The following CACNA1C variants were observed in gnomAD, a reference collection of about 807,000 sequenced individuals.
CACNA1C encodes calcium voltage-gated channel subunit alpha1 C.
In CACNA1C, 30 loss-of-function variants were observed where a neutral mutation model predicts 229.0. The ratio of observed to expected loss-of-function variants is 0.13; its 90% confidence interval spans 0.10 to 0.18. The LOEUF is 0.18. CACNA1C is among the 10% of genes least tolerant of loss of function. The probability of loss-of-function intolerance (pLI) is 1.00; values close to 1 mark genes in which losing one functional copy is unlikely to be tolerated. For missense variants in CACNA1C, 1,658 were observed against 2,845.0 expected (o/e 0.58, Z 9.49); for synonymous variants, 1,114 against 1,132.5 (o/e 0.98, Z 0.33).
intron 9 of CACNA1C, among the ~76,000 whole-genome samples, chr12:2,515,841 T>A (rs1002922902): frequency 6.6e-6 from 1 of 152,194 alleles, no homozygotes; most frequent in Non-Finnish European, 1.5e-5. Context: ...TTAGTGTAAG[T>A]GAAGTGGCCC....
intron 3 of CACNA1C, among the ~76,000 whole-genome samples, chr12:2,223,750 G>A (rs893519381): frequency 2.0e-5 from 3 of 152,088 alleles, no homozygotes; most frequent in Non-Finnish European, 2.9e-5. Flanking sequence ...TGTACCCTAC[G>A]TACATTAGAA....
chr12:2,609,886 G>T (rs2076887265), intron 27 of CACNA1C, among the ~76,000 whole-genome samples: 1 of 152,134 alleles, frequency 6.6e-6, no homozygotes, highest in Admixed American at 6.5e-5. Flanking sequence ...CACTTTGGGA[G>T]GCCAAGGTGG....
chr12:2,679,810 T>G lies in CACNA1C; in HGVS notation c.5444+14T>G. 1.3e-6 allele frequency: 2 copies of G among 1,525,332 alleles called. No individual in the cohort carries two copies. The highest frequency in any genetic ancestry group is 1.8e-6 in the Non-Finnish European group (2 of 1,125,054). The allele number at this position is 1,525,332 out of a possible 1,614,324, so 94.5% of individuals were successfully genotyped here. A position where few individuals can be genotyped will look rare whatever the true frequency, so the allele number is the denominator to read the frequency against. ...CAGCTCCAACAGGTAAGTGGGAGGC[T>G]GGCCACCCCAGGCGGCACACAGGGC... On this transcript the variant is annotated intron_variant, in intron 42 of 46. Coordinates refer to ENST00000399655, the MANE Select transcript of CACNA1C (RefSeq NM_000719.7). This position sits in a 1 kb window ranked among gnomAD's most constrained non-coding sequence, Gnocchi z 5.5.
chr12:2,071,053 T>TCCCTCCCTC (rs1555115163), intron 1 of CACNA1C, among the ~76,000 whole-genome samples: 4 of 89,830 alleles, frequency 4.5e-5, no homozygotes, highest in Non-Finnish European at 8.8e-5. Context: ...CCCCTTCCCT[T>TCCCTCCCTC]CCTCCCTCCC....
Position 2,397,011 on chromosome 12 carries a change from G to C in CACNA1C, c.478-51965G>C, listed in dbSNP as rs150138487. Among the ~76,000 whole-genome samples, 619 of 152,336 alleles carry C rather than the reference G, an allele frequency of 4.1e-3. 4 individuals carry two copies. Among genetic ancestry groups the C allele is most frequent in the Non-Finnish European group, 6.5e-3 (440 of 68,032 alleles). On this transcript the variant is annotated intron_variant, in intron 3 of 46. Transcript: ENST00000399655. Reference sequence around the variant, plus strand: ...GTAGTTCTAAACTAACTTCTAAATAGTTTATATTTGGGGTTCACCAACCTG... The same window carrying C: ...GTAGTTCTAAACTAACTTCTAAATACTTTATATTTGGGGTTCACCAACCTG...
At chr12:2,440,042 G>T (rs754347633) in intron 3 of CACNA1C, among the ~76,000 whole-genome samples, 2 of 152,158 alleles carry the variant, frequency 1.3e-5, no homozygotes, top group African/African-American at 2.4e-5. Context: ...CTCACCCTGC[G>T]CATCTGTCCG....
intron 1 of CACNA1C, among the ~76,000 whole-genome samples, chr12:2,110,133 A>C (rs1211621665): frequency 6.6e-6 from 1 of 152,220 alleles, no homozygotes; most frequent in African/African-American, 2.4e-5. Flanking sequence ...CCCAGGAGGC[A>C]CATGCCACTG....
intron 1 of CACNA1C, among the ~76,000 whole-genome samples, chr12:2,012,717 AGGGTT>A (rs888959384): frequency 6.6e-6 from 1 of 152,248 alleles, no homozygotes. Flanking sequence ...TGTATAATCA[AGGGTT>A]CAGCTGTGAT....
chr12:2,388,913 A>T (rs1307043124), intron 3 of CACNA1C, among the ~76,000 whole-genome samples: 1 of 152,192 alleles, frequency 6.6e-6, no homozygotes, highest in Non-Finnish European at 1.5e-5. Context: ...TTAGAAATTC[A>T]GTTCTGGAAA....
intron 13 of CACNA1C, among the ~76,000 whole-genome samples, chr12:2,568,085 G>A (rs1432460393): frequency 1.3e-5 from 2 of 152,166 alleles, no homozygotes; most frequent in Non-Finnish European, 2.9e-5. Flanking sequence ...TCAAGAAGAG[G>A]GTCAGGGACT....
chr12:2,182,759 T>C (rs892187638), intron 3 of CACNA1C, among the ~76,000 whole-genome samples: 1 of 152,100 alleles, frequency 6.6e-6, no homozygotes, highest in Non-Finnish European at 1.5e-5. Flanking sequence ...AAAGAGGAAG[T>C]GGTCCACGAT....
chr12:2,592,075 A>G (rs2065629064), intron 18 of CACNA1C, among the ~76,000 whole-genome samples: 1 of 152,220 alleles, frequency 6.6e-6, no homozygotes, highest in Non-Finnish European at 1.5e-5. Context: ...CACATTGCAA[A>G]GTTCTAGGTA....
At position 2,085,793 on chromosome 12, in the gene CACNA1C, C is replaced by T. The variant is rs547936242; in HGVS notation, c.50-29431C>T. Among the ~76,000 whole-genome samples, 178 of 152,318 alleles carry T rather than the reference C, an allele frequency of 1.2e-3. 1 individual carries two copies. Among genetic ancestry groups the T allele is most frequent in the Admixed American group, 1.7e-3 (26 of 15,310 alleles). ...TACTGCACTGAGGCCTTTGCTAGCA[C>T]CCTGTCCACTGTAAATGATAGGTGG... On this transcript the variant is annotated intron_variant, in intron 1 of 46. Coordinates refer to ENST00000399655, the MANE Select transcript of CACNA1C (RefSeq NM_000719.7).
chr12:2,271,278 T>C (rs1481030680), intron 3 of CACNA1C, among the ~76,000 whole-genome samples: 2 of 152,208 alleles, frequency 1.3e-5, no homozygotes, highest in African/African-American at 2.4e-5. Flanking sequence ...ATGGAAAACA[T>C]TTCTGTAGGT....
rs190170492 is a variant in CACNA1C at position 2,235,587 on chromosome 12, C to T, written c.477+115157C>T. Reference sequence around the variant, plus strand: ...CTCTCCCACATGCTGCCTTGCAGTGCTTCTCTACGTAGACCATCTCTGGGT... The same window carrying T: ...CTCTCCCACATGCTGCCTTGCAGTGTTTCTCTACGTAGACCATCTCTGGGT... On this transcript the variant is annotated intron_variant, in intron 3 of 46. Transcript: ENST00000399655. 1.4e-4 allele frequency among the ~76,000 whole-genome samples: 22 copies of T among 152,344 alleles called. No homozygotes were observed. The South Asian group carries it at 1.7e-3, about 11-fold the overall frequency.
intron 38 of CACNA1C, 120 bp from the exon 39 acceptor site, chr12:2,674,421 A>C (rs1405433200): frequency 4.3e-6 from 6 of 1,384,464 alleles, no homozygotes; most frequent in Middle Eastern, 1.9e-4. Flanking sequence ...AGCAAGAAAG[A>C]AACTGATGAG....
intron 3 of CACNA1C, among the ~76,000 whole-genome samples, chr12:2,208,504 G>A (rs1253779175): frequency 6.6e-6 from 1 of 152,194 alleles, no homozygotes; most frequent in Admixed American, 6.5e-5. Flanking sequence ...GGCTGAGGGA[G>A]CTGGCAGGCT....
intron 9 of CACNA1C, among the ~76,000 whole-genome samples, chr12:2,530,054 A>C (rs991424243): frequency 3.3e-5 from 5 of 152,262 alleles, no homozygotes; most frequent in African/African-American, 1.2e-4. Context: ...TTTATGGAGT[A>C]AATGTTATCA....
chr12:2,165,604 C>T (rs370867741), intron 3 of CACNA1C, among the ~76,000 whole-genome samples: 1 of 152,190 alleles, frequency 6.6e-6, no homozygotes, highest in African/African-American at 2.4e-5. Flanking sequence ...ATGAACATCG[C>T]CCAGCTTTAG....
Sources: allele counts gnomAD v4.1 joint callset (sites outside exome capture counted in the v4.1 genomes callset), GRCh38; gene constraint gnomAD v4.1.1; non-coding constraint Gnocchi (gnomAD v3.1); transcripts MANE v1.5; gene names NCBI Gene and HGNC (gene_info 2026-07-23, HGNC 2026-07-21).